COL25A1: variants seen among roughly 807,000 people sequenced by gnomAD.
The protein encoded by COL25A1 is collagen alpha-1(XXV) chain.
A neutral mutation model predicts 128.4 loss-of-function variants in COL25A1; 103 were observed. The observed-to-expected ratio is 0.80, with a 90% confidence interval of 0.68 to 0.94. The LOEUF (loss-of-function observed/expected upper bound fraction) is 0.94. COL25A1 is among the 40% of genes least tolerant of loss of function. The probability of loss-of-function intolerance (pLI) is 0.00; values close to 1 mark genes in which losing one functional copy is unlikely to be tolerated. For synonymous variants in COL25A1, 279 were observed against 277.2 expected (o/e 1.01, Z -0.06); for missense variants, 745 against 840.0 (o/e 0.89, Z 1.40).
intron 3 of COL25A1, among the ~76,000 whole-genome samples, chr4:109,275,561 C>T (rs919604737): frequency 9.9e-5 from 15 of 152,118 alleles, no homozygotes; most frequent in African/African-American, 3.1e-4. Context: ...TATGCAAAGG[C>T]GCCTGAGGGA....
intron 4 of COL25A1, among the ~76,000 whole-genome samples, chr4:109,049,093 TA>T (rs1455804180): frequency 2.0e-5 from 3 of 152,146 alleles, no homozygotes; most frequent in African/African-American, 7.2e-5. Context: ...TTTTTACTTT[TA>T]CATCTTTCTT....
intron 3 of COL25A1, among the ~76,000 whole-genome samples, chr4:109,152,861 G>A (rs1002396269): frequency 6.6e-6 from 1 of 152,130 alleles, no homozygotes; most frequent in Non-Finnish European, 1.5e-5. Context: ...GCCAGGGGCA[G>A]GGAAAGGAAT....
Position 108,832,446 on chromosome 4 carries a change from T to TG in COL25A1, c.1657-14_1657-13insC. 2 of 1,562,644 alleles carry TG rather than the reference T, an allele frequency of 1.3e-6. No homozygotes were observed. Among genetic ancestry groups the TG allele is most frequent in the Non-Finnish European group, 1.8e-6 (2 of 1,141,736 alleles). On this transcript the variant is annotated splice_polypyrimidine_tract_variant and intron_variant, in intron 31 of 37. Coordinates refer to ENST00000399132, the MANE Select transcript of COL25A1 (RefSeq NM_198721.4). ...GACCATCTGTACCCTAAAAAAAAGA[T>TG]AATATGAGATATATCACAAGGGCTG... is the stretch of plus-strand genomic sequence containing the variant.
At chr4:109,197,341 T>TATTA (rs1553956770) in intron 3 of COL25A1, among the ~76,000 whole-genome samples, 1 of 131,556 alleles carries the variant, frequency 7.6e-6, no homozygotes, top group Non-Finnish European at 1.5e-5. Flanking sequence ...TATATATATA[T>TATTA]TATATATATA....
intron 3 of COL25A1, among the ~76,000 whole-genome samples, chr4:109,233,852 G>T (rs138088952): frequency 6.6e-6 from 1 of 152,158 alleles, no homozygotes; most frequent in East Asian, 1.9e-4. Context: ...GTACAACTCT[G>T]TCACCCTTTT....
intron 3 of COL25A1, among the ~76,000 whole-genome samples, chr4:109,191,001 C>T (rs997168430): frequency 6.6e-6 from 1 of 152,178 alleles, no homozygotes; most frequent in Non-Finnish European, 1.5e-5. Context: ...AAGCCTATCA[C>T]TCTTCTGGTC....
chr4:109,046,912 C>A (rs1760479261), intron 5 of COL25A1, among the ~76,000 whole-genome samples: 2 of 152,156 alleles, frequency 1.3e-5, no homozygotes, highest in African/African-American at 4.8e-5. Context: ...ACAGTATAAA[C>A]ACTGGGGTCA....
At chr4:108,908,526 C>G (rs59366169) in intron 13 of COL25A1, among the ~76,000 whole-genome samples, 3,023 of 152,262 alleles carry the variant, frequency 0.02, 97 homozygotes, top group African/African-American at 0.067. Context: ...AACCCCTAGC[C>G]TGGACTATTA....
At chr4:109,086,337 CA>C (rs1373245604) in intron 3 of COL25A1, among the ~76,000 whole-genome samples, 1 of 152,136 alleles carries the variant, frequency 6.6e-6, no homozygotes, top group Non-Finnish European at 1.5e-5. Flanking sequence ...TAAATTAAAA[CA>C]TATGTTGCAT....
intron 3 of COL25A1, among the ~76,000 whole-genome samples, chr4:109,144,765 T>C (rs1446078200): frequency 6.6e-6 from 1 of 152,228 alleles, no homozygotes. Context: ...TGTGTAAGTA[T>C]TCAGAAACAA....
chr4:109,178,596 G>A lies in COL25A1; in HGVS notation c.367+121987C>T, dbSNP rs1200201497. On this transcript the variant is annotated intron_variant, in intron 3 of 37. Coordinates refer to ENST00000399132, the MANE Select transcript of COL25A1 (RefSeq NM_198721.4). ...TCCCAGCACTTTCGGAGGCCGAGGCGGGCAGATCGTGAAGTCAGGAGATTG... is the reference window on the plus strand; with the variant it reads ...TCCCAGCACTTTCGGAGGCCGAGGCAGGCAGATCGTGAAGTCAGGAGATTG... 3.9e-5 allele frequency among the ~76,000 whole-genome samples: 6 copies of A among 152,006 alleles called. 1 individual carries two copies. The highest frequency in any genetic ancestry group is 7.3e-5 in the African/African-American group (3 of 41,372).
intron 15 of COL25A1, among the ~76,000 whole-genome samples, chr4:108,897,666 T>G (rs996350879): frequency 2.0e-5 from 3 of 152,242 alleles, no homozygotes; most frequent in Non-Finnish European, 4.4e-5. Flanking sequence ...ATGATAACAA[T>G]GCATTACTAT....
At chr4:109,165,563 A>T (rs992938923) in intron 3 of COL25A1, among the ~76,000 whole-genome samples, 6 of 152,106 alleles carry the variant, frequency 3.9e-5, no homozygotes, top group African/African-American at 1.4e-4. Flanking sequence ...AAGAAATTTT[A>T]AAAGTTAGCT....
chr4:109,126,985 G>A (rs183064848), intron 3 of COL25A1, among the ~76,000 whole-genome samples: 57 of 151,974 alleles, frequency 3.8e-4, no homozygotes, highest in African/African-American at 1.0e-3. Context: ...CCTAACTTAT[G>A]TTTTTCATTC....
intron 8 of COL25A1, among the ~76,000 whole-genome samples, chr4:108,961,260 G>A (rs1750644338): frequency 6.6e-6 from 1 of 151,998 alleles, no homozygotes; most frequent in Non-Finnish European, 1.5e-5. Flanking sequence ...GTAATTATGA[G>A]TAAGTATTCA....
chr4:109,215,530 A>G (rs549127480), intron 3 of COL25A1, among the ~76,000 whole-genome samples: 2 of 152,292 alleles, frequency 1.3e-5, no homozygotes, highest in South Asian at 4.2e-4. Context: ...GTAAGATATA[A>G]GTATGTAGAA....
intron 13 of COL25A1, among the ~76,000 whole-genome samples, chr4:108,916,251 C>G (rs1481607531): frequency 6.6e-6 from 1 of 152,048 alleles, no homozygotes; most frequent in Non-Finnish European, 1.5e-5. Context: ...ATTTCGTTTC[C>G]CTGGGTTTTA....
intron 3 of COL25A1, among the ~76,000 whole-genome samples, chr4:109,191,130 A>C (rs1775572692): frequency 6.6e-6 from 1 of 152,186 alleles, no homozygotes; most frequent in Non-Finnish European, 1.5e-5. Context: ...AGTACACAGA[A>C]AGCAGGATTT....
At chr4:109,092,267 G>A (rs2126009949) in intron 3 of COL25A1, among the ~76,000 whole-genome samples, 1 of 152,300 alleles carries the variant, frequency 6.6e-6, no homozygotes, top group Non-Finnish European at 1.5e-5. Context: ...CTTAAGGCCA[G>A]GAATTCAAGA....
Sources: allele counts gnomAD v4.1 joint callset (sites outside exome capture counted in the v4.1 genomes callset), GRCh38; gene constraint gnomAD v4.1.1; transcripts MANE v1.5; gene names NCBI Gene and HGNC (gene_info 2026-07-23, HGNC 2026-07-21).